The following CDH12 variants were observed in gnomAD, a reference collection of about 807,000 sequenced individuals.
CDH12 encodes the protein cadherin-12.
A neutral mutation model predicts 74.1 loss-of-function variants in CDH12; 41 were observed. The ratio of observed to expected loss-of-function variants is 0.55; its 90% CI spans 0.43 to 0.72. The LOEUF (loss-of-function observed/expected upper bound fraction) is 0.72. Among genes scored for constraint, CDH12 ranks in the 30% least tolerant of loss-of-function variants. The pLI is 0.00. For missense variants in CDH12, 945 were observed against 977.2 expected (o/e 0.97, Z 0.44); for synonymous variants, 399 against 355.0 (o/e 1.12, Z -1.39).
intron 2 of CDH12, among the ~76,000 whole-genome samples, chr5:22,418,620 G>T (rs1244246640): frequency 6.6e-6 from 1 of 152,026 alleles, no homozygotes; most frequent in African/African-American, 2.4e-5. Flanking sequence ...ACGGTAGCTC[G>T]CGCCTGTAAT....
At chr5:21,794,105 A>G (rs1305123586) in intron 10 of CDH12, among the ~76,000 whole-genome samples, 5 of 151,540 alleles carry the variant, frequency 3.3e-5, no homozygotes, top group Admixed American at 6.6e-5. Flanking sequence ...TTTCAAATCG[A>G]ATATAGGTAG....
intron 6 of CDH12, among the ~76,000 whole-genome samples, chr5:21,864,464 C>T (rs1052662577): frequency 6.6e-6 from 1 of 152,244 alleles, no homozygotes; most frequent in African/African-American, 2.4e-5. Context: ...GCCCTTCTAC[C>T]TTCCCTCATG....
At chr5:22,616,473 T>C (rs1252485561) in intron 1 of CDH12, among the ~76,000 whole-genome samples, 1 of 152,108 alleles carries the variant, frequency 6.6e-6, no homozygotes, top group Non-Finnish European at 1.5e-5. Flanking sequence ...ATTTATGAAG[T>C]ATATCCAGCA....
chr5:21,998,452 CTTATG>C (rs1325990985), intron 5 of CDH12, among the ~76,000 whole-genome samples: 1 of 151,984 alleles, frequency 6.6e-6, no homozygotes, highest in Non-Finnish European at 1.5e-5. Flanking sequence ...TCTCTTGCAT[CTTATG>C]TTGAGTTTAC....
chr5:22,394,943 T>C (rs2126429376), intron 3 of CDH12, among the ~76,000 whole-genome samples: 1 of 152,296 alleles, frequency 6.6e-6, no homozygotes, highest in Non-Finnish European at 1.5e-5. Context: ...AGGTTGGCTA[T>C]TGTTGCATAT....
intron 3 of CDH12, among the ~76,000 whole-genome samples, chr5:22,398,805 A>G (rs959266): frequency 0.84 from 127,048 of 152,064 alleles, 53,126 homozygotes; most frequent in African/African-American, 0.84. Context: ...GTACATTCCA[A>G]AATAAAAGAT....
intron 1 of CDH12, among the ~76,000 whole-genome samples, chr5:22,675,564 T>C (rs907012450): frequency 5.3e-5 from 8 of 152,172 alleles, no homozygotes; most frequent in Non-Finnish European, 1.0e-4. Context: ...AATGCTGAAA[T>C]GAGTTAAGAC....
chr5:22,324,903 A>C (rs1739021155), intron 3 of CDH12, among the ~76,000 whole-genome samples: 2 of 152,096 alleles, frequency 1.3e-5, no homozygotes, highest in Non-Finnish European at 2.9e-5. Flanking sequence ...AACAGCATAA[A>C]CCCAAGCTGG....
intron 3 of CDH12, among the ~76,000 whole-genome samples, chr5:22,383,316 G>GT (rs1477612437): frequency 2.0e-5 from 3 of 152,142 alleles, no homozygotes; most frequent in African/African-American, 7.2e-5. Context: ...ATGAGCACAC[G>GT]TAAGTCCAAT....
chr5:22,360,737 C>G (rs949020553), intron 3 of CDH12, among the ~76,000 whole-genome samples: 1 of 152,176 alleles, frequency 6.6e-6, no homozygotes, highest in Admixed American at 6.5e-5. Context: ...CCACCATGAT[C>G]AAGTGGGCTT....
chr5:22,114,702 T>C (rs1320234046), intron 4 of CDH12, among the ~76,000 whole-genome samples: 2 of 152,224 alleles, frequency 1.3e-5, no homozygotes, highest in Non-Finnish European at 2.9e-5. Context: ...GGTTTCCATA[T>C]ATGGAATCAG....
intron 9 of CDH12, among the ~76,000 whole-genome samples, chr5:21,811,812 G>A (rs1747764044): frequency 1.3e-5 from 2 of 149,400 alleles, no homozygotes; most frequent in South Asian, 4.2e-4. Flanking sequence ...AATATCTTAT[G>A]CCTTGGAGCA....
At chr5:22,712,905 T>G (rs777609624) in intron 1 of CDH12, among the ~76,000 whole-genome samples, 22 of 152,118 alleles carry the variant, frequency 1.4e-4, no homozygotes, top group Non-Finnish European at 2.5e-4. Flanking sequence ...TTAGATAGTT[T>G]GACACCTCCT....
At chr5:22,743,853 A>G (rs552064798) in intron 1 of CDH12, among the ~76,000 whole-genome samples, 4 of 151,946 alleles carry the variant, frequency 2.6e-5, no homozygotes. Flanking sequence ...GTTCTTACTT[A>G]TCAGTCTCTG....
chr5:21,938,697 T>C, intron 6 of CDH12, among the ~76,000 whole-genome samples: 1 of 138,960 alleles, frequency 7.2e-6, no homozygotes, highest in South Asian at 2.2e-4. Context: ...TATAATATAT[T>C]TATAATATTT....
At chr5:22,072,160 T>C (rs1158978912) in intron 5 of CDH12, among the ~76,000 whole-genome samples, 2 of 152,106 alleles carry the variant, frequency 1.3e-5, no homozygotes, top group African/African-American at 4.8e-5. Context: ...TCGGTCATTC[T>C]AGAATTGCAA....
rs878875931 is a variant in CDH12, at chr5:21,750,768, T to G, written c.*969A>C. On this transcript the variant is annotated 3_prime_UTR_variant, in exon 15 of 15. Transcript: ENST00000382254. ...CCATGCTTAAATGAATGGCACTTTT[T>G]TCTTCTAAGAATTTTCATAGAAACA... is the stretch of plus-strand genomic sequence containing the variant. 1.3e-5 allele frequency: 2 copies of G among 152,132 alleles called. No homozygotes were observed. Among genetic ancestry groups the G allele is most frequent in the South Asian group, 4.1e-4 (2 of 4,832 alleles). 9.4% of individuals were successfully genotyped at this position (152,132 alleles called of 1,614,324 possible).
intron 3 of CDH12, among the ~76,000 whole-genome samples, chr5:22,322,720 G>A (rs1156695654): frequency 1.3e-5 from 2 of 152,142 alleles, no homozygotes; most frequent in African/African-American, 4.8e-5. Context: ...TGAAGAAATT[G>A]CAGGCACAGA....
chr5:22,003,824 C>CA (rs775995801), intron 5 of CDH12, among the ~76,000 whole-genome samples: 26,158 of 51,032 alleles, frequency 0.51, 5,707 homozygotes, highest in Middle Eastern at 0.63. Context: ...CCCGCTTCCA[C>CA]AAAAAAAAAA....
Sources: gnomAD v4.1 joint callset for allele counts (sites outside exome capture counted in the v4.1 genomes callset) on GRCh38, gnomAD v4.1.1 for gene constraint, MANE v1.5 for transcripts, NCBI Gene and HGNC (gene_info 2026-07-23, HGNC 2026-07-21) for gene names.